C1orf115: variants seen among roughly 807,000 people sequenced by gnomAD.
The protein encoded by C1orf115 is chromosome 1 open reading frame 115, also known as required for drug-induced death protein 1.
C1orf115 carries 14 observed loss-of-function variants against 12.5 expected under a neutral mutation model. The observed-to-expected ratio is 1.12, with a 90% CI of 0.74 to 1.75. The LOEUF (loss-of-function observed/expected upper bound fraction) is 1.75. Ranked by LOEUF, C1orf115 falls within the 40% of genes most tolerant of loss-of-function variation. The pLI, the probability that C1orf115 is intolerant of heterozygous loss-of-function variation, is 0.00. For missense variants in C1orf115, 237 were observed against 220.8 expected (o/e 1.07, Z -0.46); for synonymous variants, 109 against 104.6 (o/e 1.04, Z -0.26).
Position 220,696,472 on chromosome 1 carries a change from C to G in C1orf115, c.310-140C>G, listed in dbSNP as rs1558344533. ...CACCAGAGATGTGGGAATGTGGTAA[C>G]TTGCTGATTTGTCACAAGAGAATCA... On this transcript the variant is annotated intron_variant, in intron 1 of 1. Transcript: ENST00000294889. 6 of 1,026,116 alleles carry G rather than the reference C, an allele frequency of 5.8e-6. No individual in the cohort carries two copies. In the East Asian group the frequency reaches 1.6e-4, roughly 27 times the overall value. The allele number at this position is 1,026,116 out of a possible 1,614,324, so 63.6% of individuals were successfully genotyped here.
rs1170752313 is a variant in C1orf115, at chr1:220,690,580, G to A, written c.178G>A (p.Gly60Ser). The change falls in exon 1 of 2, where the codon GGC becomes AGC. Residue 60 changes from glycine (G) to serine (S), a missense_variant. Transcript: ENST00000294889. ...ESGTSAADER[G>S]PGTRGARRVH... ...CGGGACGAGCGCGGCGGACGAGCGG[G>A]GCCCGGGGACCCGGGGCGCGCGGAG... 8 of 1,505,916 alleles carry A rather than the reference G, an allele frequency of 5.3e-6. No homozygotes were observed. Among genetic ancestry groups the A allele is most frequent in the African/African-American group, 4.4e-5 (3 of 68,562 alleles). The allele number at this position is 1,505,916 out of a possible 1,614,324, so 93.3% of individuals were successfully genotyped here.
chr1:220,696,641 C>A lies in C1orf115; in HGVS notation c.339C>A (p.Cys113Ter), dbSNP rs755646310. Residue 113 changes from cysteine (C) to a stop codon, truncating the protein, a stop_gained, in exon 2 of 2, where the codon TGC becomes TGA. Transcript: ENST00000294889. LOFTEE classifies it high-confidence loss of function. ...TCGGGAAGGTCATCATCAAAGGATG[C>A]CGCTACGTGGTCATCGGCCTGCAAG... ...KNVGKVIIKG[C>*]RYVVIGLQGF... 6.3e-7 allele frequency: 1 copy of A among 1,595,264 alleles called. No homozygotes were observed. Among genetic ancestry groups the A allele is most frequent in the Non-Finnish European group, 8.6e-7 (1 of 1,164,454 alleles).
rs538780046 is a variant in C1orf115 at position 220,696,868 on chromosome 1, T to G, written c.*137T>G. On this transcript the variant is annotated 3_prime_UTR_variant, in exon 2 of 2. Coordinates refer to ENST00000294889, the MANE Select transcript of C1orf115 (RefSeq NM_024709.5). ...ACATGCCTTTCTTTGTTGAATCACA[T>G]TAGTATGATGAGTGAGTCATCCCTG... The G allele has an allele frequency of 8.6e-7, 1 of 1,163,020 alleles. No individual in the cohort carries two copies. The highest frequency in any genetic ancestry group is 2.6e-5 in the East Asian group (1 of 38,828). The allele number at this position is 1,163,020 out of a possible 1,614,324, so 72.0% of individuals were successfully genotyped here.
intron 1 of C1orf115, among the ~76,000 whole-genome samples, chr1:220,693,564 C>T (rs929262018): frequency 6.6e-6 from 1 of 152,212 alleles, no homozygotes; most frequent in African/African-American, 2.4e-5. Flanking sequence ...CATGCGCATG[C>T]CCCAGCCCAG....
At chr1:220,695,271 G>A (rs1222404689) in intron 1 of C1orf115, among the ~76,000 whole-genome samples, 3 of 152,138 alleles carry the variant, frequency 2.0e-5, no homozygotes, top group African/African-American at 7.2e-5. Flanking sequence ...ATGTATGTAA[G>A]CTAATGGGAT....
At chr1:220,691,309 G>T (rs1028533806) in intron 1 of C1orf115, among the ~76,000 whole-genome samples, 4 of 152,118 alleles carry the variant, frequency 2.6e-5, no homozygotes, top group Non-Finnish European at 4.4e-5. Flanking sequence ...TCGGGGAGAT[G>T]GGGTTAGGAA....
Position 220,690,657 on chromosome 1 carries a change from G to A in C1orf115, c.255G>A (p.Ala85=). 2 of 1,592,434 alleles carry A rather than the reference G, an allele frequency of 1.3e-6. No homozygotes were observed. Among genetic ancestry groups the A allele is most frequent in the Non-Finnish European group, 8.5e-7 (1 of 1,171,120 alleles). Reference sequence around the variant, plus strand: ...GCTACGAGCCACTGGAGGAGCCGGCGCCGAGCGAGCAGCCCAGGAAGAGGT... The same window carrying A: ...GCTACGAGCCACTGGAGGAGCCGGCACCGAGCGAGCAGCCCAGGAAGAGGT... The part of the protein sequence containing the change: ...PERYEPLEEP[A]PSEQPRKRYR... Residue 85 remains alanine (A), a synonymous_variant, in exon 1 of 2, where the codon GCG becomes GCA. Transcript: ENST00000294889.
intron 1 of C1orf115, among the ~76,000 whole-genome samples, chr1:220,693,771 C>G (rs928093040): frequency 6.6e-6 from 1 of 152,070 alleles, no homozygotes; most frequent in Non-Finnish European, 1.5e-5. Flanking sequence ...TGTGAGGGAC[C>G]CTGTAATTTA....
intron 1 of C1orf115, among the ~76,000 whole-genome samples, chr1:220,694,341 C>T (rs1259832084): frequency 6.6e-6 from 1 of 152,184 alleles, no homozygotes. Flanking sequence ...CTCCTCTTAA[C>T]AACCCAATGA....
chr1:220,699,070 T>C lies in C1orf115; in HGVS notation c.*2339T>C, dbSNP rs890892063. 2.0e-5 allele frequency: 3 copies of C among 152,220 alleles called. No homozygotes were observed. The highest frequency in any genetic ancestry group is 1.3e-4 in the Admixed American group (2 of 15,282). 9.4% of individuals were successfully genotyped at this position (152,220 alleles called of 1,614,324 possible). A position where few individuals can be genotyped will look rare whatever the true frequency, so the allele number is the denominator to read the frequency against. On this transcript the variant is annotated 3_prime_UTR_variant, in exon 2 of 2. Coordinates refer to ENST00000294889, the MANE Select transcript of C1orf115 (RefSeq NM_024709.5). ...CTTACTGAGTATTGAGTTTTAGAGC[T>C]TTCGCTTGATGTGCTTGACCAAGAG... is the stretch of plus-strand genomic sequence containing the variant.
At chr1:220,690,764 G>C in intron 1 of C1orf115, 53 bp downstream of exon 1, 2 of 1,531,768 alleles carry the variant, frequency 1.3e-6, no homozygotes, top group East Asian at 2.6e-5. Flanking sequence ...GTGTCCCGCG[G>C]GGGAGCGGGA....
In C1orf115 at chr1:220,690,662, G is replaced by A. The variant is rs773613083; in HGVS notation, c.260G>A (p.Ser87Asn). 113 of 1,594,144 alleles carry A rather than the reference G, an allele frequency of 7.1e-5. No individual in the cohort carries two copies. The highest frequency in any genetic ancestry group is 8.7e-5 in the Non-Finnish European group (102 of 1,171,886). Residue 87 changes from serine (S) to asparagine (N), a missense_variant, in exon 1 of 2, where the codon AGC becomes AAC. Transcript: ENST00000294889. The part of the protein sequence containing the change: ...RYEPLEEPAP[S>N]EQPRKRYRRK... ...GAGCCACTGGAGGAGCCGGCGCCGAGCGAGCAGCCCAGGAAGAGGTACCGG... is the reference window on the plus strand; with the variant it reads ...GAGCCACTGGAGGAGCCGGCGCCGAACGAGCAGCCCAGGAAGAGGTACCGG...
intron 1 of C1orf115, among the ~76,000 whole-genome samples, chr1:220,696,065 G>A (rs897476033): frequency 2.6e-5 from 4 of 152,096 alleles, no homozygotes; most frequent in Non-Finnish European, 4.4e-5. Flanking sequence ...AGCTTATAAT[G>A]GTATTGGAAA....
chr1:220,692,032 C>T (rs762186380), intron 1 of C1orf115, among the ~76,000 whole-genome samples: 5 of 152,096 alleles, frequency 3.3e-5, no homozygotes, highest in Admixed American at 6.5e-5. Context: ...AAACTGGGCA[C>T]AGAAGGATGA....
intron 1 of C1orf115, among the ~76,000 whole-genome samples, chr1:220,691,193 C>T (rs925960796): frequency 6.6e-6 from 1 of 152,096 alleles, no homozygotes; most frequent in Non-Finnish European, 1.5e-5. Context: ...GGTTATTTCC[C>T]GAGCCTGGGA....
intron 1 of C1orf115, among the ~76,000 whole-genome samples, chr1:220,692,225 C>T (rs1034281602): frequency 1.3e-5 from 2 of 152,198 alleles, no homozygotes; most frequent in African/African-American, 4.8e-5. Flanking sequence ...CTGTGGAAAA[C>T]AATTTGGGAG....
rs1370637955 is a variant in C1orf115, at chr1:220,690,703, T to C, written c.301T>C (p.Tyr101His). 37 of 1,588,150 alleles carry C rather than the reference T, an allele frequency of 2.3e-5. No individual in the cohort carries two copies. In the Admixed American group the frequency reaches 6.3e-4, roughly 27 times the overall value. ...GAGGTACCGGAGGAAGCTGAAGAAG[T>C]ACGGCAAGGTAGGGGCCCTGCGCCA... ...RKRYRRKLKK[Y>H]GKNVGKVIIK... Residue 101 changes from tyrosine (Y) to histidine (H), a missense_variant, in exon 1 of 2, where the codon TAC (tyrosine) becomes CAC (histidine). Tyr to His is a moderately conservative substitution (Grantham distance 83, BLOSUM62 2). Transcript: ENST00000294889.
chr1:220,691,321 A>C lies in C1orf115; in HGVS notation c.309+610A>C, dbSNP rs553217072. 7.2e-5 allele frequency among the ~76,000 whole-genome samples: 11 copies of C among 152,292 alleles called. No homozygotes were observed. The East Asian group carries it at 2.1e-3, about 29-fold the overall frequency. ...GTCTCGGGGAGATGGGGTTAGGAAGAATGAATATGGGAGAAAATGACAGTT... is the reference window on the plus strand; with the variant it reads ...GTCTCGGGGAGATGGGGTTAGGAAGCATGAATATGGGAGAAAATGACAGTT... On this transcript the variant is annotated intron_variant, in intron 1 of 1. Transcript: ENST00000294889.
At chr1:220,694,147 C>G (rs1353299910) in intron 1 of C1orf115, among the ~76,000 whole-genome samples, 1 of 139,334 alleles carries the variant, frequency 7.2e-6, no homozygotes, top group Non-Finnish European at 1.5e-5. Flanking sequence ...TCTTAAGAAA[C>G]TTTCCCAAAC....
Sources: allele counts gnomAD v4.1 joint callset (sites outside exome capture counted in the v4.1 genomes callset), GRCh38; gene constraint gnomAD v4.1.1; transcripts MANE v1.5; gene names NCBI Gene and HGNC (gene_info 2026-07-23, HGNC 2026-07-21).